The following GABRA3 variants were observed in gnomAD, a reference collection of about 807,000 sequenced individuals.
The protein encoded by GABRA3 is gamma-aminobutyric acid receptor subunit alpha-3.
In GABRA3, 10 loss-of-function variants were observed where a neutral mutation model predicts 30.1. The ratio of observed to expected loss-of-function variants is 0.33; its 90% CI spans 0.20 to 0.56. The LOEUF is 0.56. Ranked by LOEUF, GABRA3 falls within the 20% of genes least tolerant of loss-of-function variation. GABRA3 has a pLI of 0.89. For missense variants in GABRA3, 233 were observed against 392.0 expected (o/e 0.59, Z 3.42); for synonymous variants, 151 against 146.8 (o/e 1.03, Z -0.21).
intron 3 of GABRA3, among the ~76,000 whole-genome samples, chrX:152,288,422 T>C (rs1483376831): frequency 8.9e-6 from 1 of 112,664 alleles, no homozygotes; most frequent in Non-Finnish European, 1.9e-5. Flanking sequence ...GTAATGATAC[T>C]TCAGAATTGC....
intron 5 of GABRA3, among the ~76,000 whole-genome samples, chrX:152,234,984 A>AT (rs1212450963): frequency 9.0e-6 from 1 of 111,141 alleles, no homozygotes; most frequent in Non-Finnish European, 1.9e-5. Context: ...TAATTTTAAG[A>AT]TTTTTTTCTA....
intron 3 of GABRA3, among the ~76,000 whole-genome samples, chrX:152,307,411 C>T (rs1939735839): frequency 9.0e-6 from 1 of 111,253 alleles, no homozygotes. Flanking sequence ...GACTCATCTC[C>T]TATGGATTAA....
chrX:152,308,530 C>A (rs1939753750), intron 3 of GABRA3, among the ~76,000 whole-genome samples: 1 of 112,233 alleles, frequency 8.9e-6, no homozygotes, highest in South Asian at 3.7e-4. Flanking sequence ...CCCAGGAATG[C>A]TGAACTAAGC....
Position 152,184,375 on chromosome X carries a change from G to C in GABRA3, c.1143+5355C>G, listed in dbSNP as rs752184859. 3.6e-5 allele frequency among the ~76,000 whole-genome samples: 4 copies of C among 111,432 alleles called. No homozygotes were observed. The South Asian group carries it at 1.5e-3, about 42-fold the overall frequency. ...GTCTGTTTGCTCATGTAGCTAACCT[G>C]AGCTTGTTGATTGGTGGGCTGTGAT... On this transcript the variant is annotated intron_variant, in intron 9 of 9. Transcript: ENST00000370314.
chrX:152,407,395 A>G (rs1189588783), intron 1 of GABRA3, among the ~76,000 whole-genome samples: 1 of 111,802 alleles, frequency 8.9e-6, no homozygotes, highest in African/African-American at 3.2e-5. Flanking sequence ...AAAAGGAGAC[A>G]TTACAAATAA....
chrX:152,382,012 C>T (rs183948030), intron 1 of GABRA3, among the ~76,000 whole-genome samples: 6 of 111,553 alleles, frequency 5.4e-5, no homozygotes, highest in South Asian at 7.5e-4. Context: ...AACAAACATA[C>T]GTGTGCAACC....
In GABRA3 at chrX:152,448,859, G is replaced by C. The variant is rs1020045976; in HGVS notation, c.-27+2287C>G. Among the ~76,000 whole-genome samples, 9 of 110,803 alleles carry C rather than the reference G, an allele frequency of 8.1e-5. 1 individual carries two copies. The highest frequency in any genetic ancestry group is 7.8e-4 in the South Asian group (2 of 2,576). Reference sequence around the variant, plus strand: ...AAGGACTAGTACTAACCAATTTCTGGTCTTTAGGAATATGAAAGCGACCTT... The same window carrying C: ...AAGGACTAGTACTAACCAATTTCTGCTCTTTAGGAATATGAAAGCGACCTT... On this transcript the variant is annotated intron_variant, in intron 1 of 9. Coordinates refer to ENST00000370314, the MANE Select transcript of GABRA3 (RefSeq NM_000808.4).
intron 4 of GABRA3, among the ~76,000 whole-genome samples, chrX:152,275,119 A>G (rs1939021475): frequency 1.3e-5 from 1 of 78,521 alleles, no homozygotes; most frequent in Non-Finnish European, 2.5e-5. Flanking sequence ...TATTTAATTT[A>G]AACATTAAAT....
At chrX:152,372,701 T>C (rs1471323237) in intron 1 of GABRA3, among the ~76,000 whole-genome samples, 1 of 112,149 alleles carries the variant, frequency 8.9e-6, no homozygotes, top group East Asian at 2.8e-4. Context: ...CTCAAGACTA[T>C]GCTACTTTCC....
intron 1 of GABRA3, among the ~76,000 whole-genome samples, chrX:152,396,415 A>G (rs1170982142): frequency 8.9e-6 from 1 of 112,126 alleles, no homozygotes; most frequent in Non-Finnish European, 1.9e-5. Flanking sequence ...AATACAGATG[A>G]CATTGTTACA....
chrX:152,203,918 G>A (rs1281194041), intron 7 of GABRA3, among the ~76,000 whole-genome samples: 1 of 111,705 alleles, frequency 9.0e-6, no homozygotes, highest in Non-Finnish European at 1.9e-5. Context: ...AGGTTCTACG[G>A]AATAGAATGT....
chrX:152,358,409 A>G (rs1255658231), intron 2 of GABRA3, among the ~76,000 whole-genome samples: 1 of 111,679 alleles, frequency 9.0e-6, no homozygotes, highest in Non-Finnish European at 1.9e-5. Flanking sequence ...GTATCCTGAA[A>G]CTTTGCTGAA....
At chrX:152,214,362 A>G (rs1246804547) in intron 6 of GABRA3, among the ~76,000 whole-genome samples, 2 of 111,319 alleles carry the variant, frequency 1.8e-5, no homozygotes, top group Non-Finnish European at 3.8e-5. Context: ...GGTTGATTCC[A>G]TGACTTTGCT....
At chrX:152,337,879 G>A (rs935201854) in intron 3 of GABRA3, among the ~76,000 whole-genome samples, 5 of 111,578 alleles carry the variant, frequency 4.5e-5, no homozygotes, top group Non-Finnish European at 9.4e-5. Flanking sequence ...GTAATTTTCC[G>A]TGGCTGAATA....
At chrX:152,328,152 G>C (rs1189771804) in intron 3 of GABRA3, among the ~76,000 whole-genome samples, 5 of 111,520 alleles carry the variant, frequency 4.5e-5, no homozygotes, top group Non-Finnish European at 9.4e-5. Flanking sequence ...AAACCAGGAA[G>C]AAGTTGAATC....
intron 3 of GABRA3, among the ~76,000 whole-genome samples, chrX:152,329,786 G>C (rs59618754): frequency 0.21 from 23,438 of 110,906 alleles, 2,276 homozygotes; most frequent in African/African-American, 0.38. Flanking sequence ...CACAGGCATG[G>C]GCAAGGACTT....
intron 4 of GABRA3, among the ~76,000 whole-genome samples, chrX:152,271,183 G>C (rs768849972): frequency 7.3e-4 from 81 of 110,662 alleles, no homozygotes; most frequent in African/African-American, 2.4e-3. Flanking sequence ...AGCTGGTCTA[G>C]AACTCCTGAC....
chrX:152,311,412 T>C (rs1939797431), intron 3 of GABRA3, among the ~76,000 whole-genome samples: 1 of 112,281 alleles, frequency 8.9e-6, no homozygotes, highest in African/African-American at 3.2e-5. Context: ...CATGTGCAAA[T>C]TAATAAATGT....
chrX:152,172,515 T>A lies in GABRA3; in HGVS notation c.1144-3952A>T, dbSNP rs1005558045. On this transcript the variant is annotated intron_variant, in intron 9 of 9. Coordinates refer to ENST00000370314, the MANE Select transcript of GABRA3 (RefSeq NM_000808.4). ...ATACCCATGTTCACACCTTCATTAT[T>A]CCCAATAGCCAAATGGTGGAAGCAA... Among the ~76,000 whole-genome samples the A allele has an allele frequency of 2.7e-5, 3 of 111,696 alleles. No homozygotes were observed. In the East Asian group the frequency reaches 8.4e-4, roughly 31 times the overall value.
Sources: allele counts gnomAD v4.1 joint callset (sites outside exome capture counted in the v4.1 genomes callset), GRCh38; gene constraint gnomAD v4.1.1; transcripts MANE v1.5; gene names NCBI Gene and HGNC (gene_info 2026-07-23, HGNC 2026-07-21).